The following JAK2 variants were observed in gnomAD, a reference collection of about 807,000 sequenced individuals.
JAK2 encodes tyrosine-protein kinase JAK2.
Under a neutral mutation model 139.3 loss-of-function variants are expected in JAK2, and 86 were observed. The observed-to-expected ratio is 0.62, with a 90% CI of 0.52 to 0.74. JAK2 has a LOEUF of 0.74. Ranked by LOEUF, JAK2 falls within the 30% of genes least tolerant of loss-of-function variation. The pLI is 0.00. For synonymous variants in JAK2, 490 were observed against 437.7 expected, an observed-to-expected ratio of 1.12 and a Z score of -1.49; for missense variants, 1,421 against 1,360.3, an observed-to-expected ratio of 1.04 and a Z score of -0.70.
intron 3 of JAK2, among the ~76,000 whole-genome samples, chr9:5,022,646 A>G (rs374345756): frequency 1.1e-4 from 16 of 152,200 alleles, no homozygotes; most frequent in African/African-American, 1.7e-4. Context: ...ACCTCTGCCA[A>G]TCTTTCCTCA....
At chr9:5,076,962 T>C (rs1259174080) in intron 14 of JAK2, among the ~76,000 whole-genome samples, 3 of 151,946 alleles carry the variant, frequency 2.0e-5, no homozygotes, top group African/African-American at 7.2e-5. Context: ...GTTTTAAAGA[T>C]AAAGCAGCGC....
In JAK2 at chr9:5,081,764, T is replaced by A. The variant is rs1411863328; in HGVS notation, c.2474T>A (p.Met825Lys). ...LLTENDMLPN[M>K]RIGALGFSGA... ...ACAGAAAATGACATGTTACCAAATA[T>A]GAGGATAGGTGCCCTGGGGTTTTCT... Residue 825 changes from methionine (M) to lysine (K), a missense_variant, in exon 19 of 25, where the codon ATG (methionine) becomes AAG (lysine). By Grantham distance (95) the Met-to-Lys change is moderately conservative (BLOSUM62 -1). Coordinates refer to ENST00000381652, the MANE Select transcript of JAK2 (RefSeq NM_004972.4). 1 of 1,601,694 alleles carries A rather than the reference T, an allele frequency of 6.2e-7. No homozygotes were observed. Among genetic ancestry groups the A allele is most frequent in the Non-Finnish European group, 8.6e-7 (1 of 1,168,854 alleles).
chr9:5,085,703 A>G, intron 19 of JAK2: 1 of 748,944 alleles, frequency 1.3e-6, no homozygotes, highest in Non-Finnish European at 2.5e-6. Flanking sequence ...CGTGAACAAG[A>G]CTAGCAGTGT....
At chr9:5,085,970 G>GT in intron 19 of JAK2, 1 of 1,093,274 alleles carries the variant, frequency 9.1e-7, no homozygotes, top group Non-Finnish European at 1.4e-6. Flanking sequence ...TCTCACCACT[G>GT]TGTGTTTTGC....
At chr9:4,997,459 A>G (rs1820642565) in intron 2 of JAK2, among the ~76,000 whole-genome samples, 1 of 152,158 alleles carries the variant, frequency 6.6e-6, no homozygotes, top group Non-Finnish European at 1.5e-5. Flanking sequence ...GGGAAGGTGC[A>G]CACACTTTTA....
At chr9:5,116,698 A>AAGAT (rs910976328) in intron 22 of JAK2, among the ~76,000 whole-genome samples, 6 of 152,238 alleles carry the variant, frequency 3.9e-5, no homozygotes, top group African/African-American at 1.4e-4. Context: ...TAGGGATATG[A>AAGAT]AGATAGGCTT....
intron 2 of JAK2, among the ~76,000 whole-genome samples, chr9:5,006,748 T>C (rs1821329943): frequency 6.6e-6 from 1 of 152,218 alleles, no homozygotes; most frequent in Admixed American, 6.5e-5. Context: ...CCCAGTCACC[T>C]CTCACCAGGC....
At chr9:5,097,718 T>C (rs1466577986) in intron 22 of JAK2, 2 of 152,220 alleles carry the variant, frequency 1.3e-5, no homozygotes, top group African/African-American at 2.4e-5. Flanking sequence ...GTAGGAGGTC[T>C]AATTGGCATT....
At chr9:5,041,457 A>AG in intron 4 of JAK2, 1 of 610,124 alleles carries the variant, frequency 1.6e-6, no homozygotes, top group Admixed American at 2.2e-5. Flanking sequence ...CTCCCCTGGC[A>AG]GGGGCTCAAG....
At chr9:5,031,268 G>A (rs755775803) in intron 4 of JAK2, among the ~76,000 whole-genome samples, 1 of 152,060 alleles carries the variant, frequency 6.6e-6, no homozygotes, top group Non-Finnish European at 1.5e-5. Context: ...GACTTACCTG[G>A]CAATTGTAAA....
chr9:5,103,267 AATCCC>A (rs1200919838), intron 22 of JAK2, among the ~76,000 whole-genome samples: 3 of 137,984 alleles, frequency 2.2e-5, no homozygotes, highest in Non-Finnish European at 4.6e-5. Context: ...CAGGAGTTGC[AATCCC>A]GGTCTCTGAA....
chr9:5,076,356 ATTG>A (rs1819306322), intron 14 of JAK2, among the ~76,000 whole-genome samples: 1 of 152,102 alleles, frequency 6.6e-6, no homozygotes, highest in South Asian at 2.1e-4. Flanking sequence ...AGTGAATTTC[ATTG>A]TTGTCTTATT....
At chr9:5,108,865 T>C (rs999577570) in intron 22 of JAK2, 10 of 152,170 alleles carry the variant, frequency 6.6e-5, no homozygotes, top group Non-Finnish European at 1.3e-4. Flanking sequence ...GTCACCCTTA[T>C]AATTACCCAT....
chr9:4,992,471 A>T (rs1187512270), intron 2 of JAK2, among the ~76,000 whole-genome samples: 1 of 152,160 alleles, frequency 6.6e-6, no homozygotes, highest in African/African-American at 2.4e-5. Flanking sequence ...AAATAGTGTT[A>T]TGGCCATCTT....
intron 22 of JAK2, among the ~76,000 whole-genome samples, chr9:5,107,250 C>T (rs955349593): frequency 6.6e-6 from 1 of 151,986 alleles, no homozygotes; most frequent in Non-Finnish European, 1.5e-5. Context: ...CCTTAGTAAC[C>T]GACACCTTAC....
intron 10 of JAK2, among the ~76,000 whole-genome samples, chr9:5,068,447 G>A (rs1413287439): frequency 1.3e-5 from 2 of 152,218 alleles, no homozygotes; most frequent in African/African-American, 2.4e-5. Flanking sequence ...GCAAAGAGGT[G>A]AGCATTAGAG....
At chr9:5,037,810 A>T (rs1284066477) in intron 4 of JAK2, among the ~76,000 whole-genome samples, 1 of 152,216 alleles carries the variant, frequency 6.6e-6, no homozygotes, top group Non-Finnish European at 1.5e-5. Flanking sequence ...TACATATGTA[A>T]CTAACCTGCA....
At chr9:5,111,222 GC>G (rs1398784888) in intron 22 of JAK2, 5 of 581,386 alleles carry the variant, frequency 8.6e-6, no homozygotes, top group African/African-American at 4.2e-5. Context: ...AGAGCAGCTA[GC>G]GCGGGCCTAT....
chr9:5,114,004 T>C, intron 22 of JAK2: 1 of 278,596 alleles, frequency 3.6e-6, no homozygotes, highest in Non-Finnish European at 7.2e-6. Flanking sequence ...GGGCAGGTCG[T>C]GGATGTGAAC....
Sources: gnomAD v4.1 joint callset for allele counts (sites outside exome capture counted in the v4.1 genomes callset) on GRCh38, gnomAD v4.1.1 for gene constraint, MANE v1.5 for transcripts, NCBI Gene and HGNC (gene_info 2026-07-23, HGNC 2026-07-21) for gene names.